The following TRIP12 variants were observed in gnomAD, a reference collection of about 807,000 sequenced individuals.
The protein encoded by TRIP12 is E3 ubiquitin-protein ligase TRIP12.
TRIP12 carries 25 observed loss-of-function variants against 244.2 expected under a neutral mutation model. That is an observed-to-expected ratio of 0.10 (90% CI 0.07 to 0.14). The LOEUF is 0.14. TRIP12 is among the 10% of genes least tolerant of loss of function. TRIP12 has a pLI of 1.00. For synonymous variants in TRIP12, 905 were observed against 873.1 expected (o/e 1.04, Z -0.64); for missense variants, 1,677 against 2,486.4 (o/e 0.67, Z 6.92).
At chr2:229,809,147 C>G (rs988961447) in intron 15 of TRIP12, among the ~76,000 whole-genome samples, 1 of 152,062 alleles carries the variant, frequency 6.6e-6, no homozygotes, top group African/African-American at 2.4e-5. Context: ...GTTCTGTTAT[C>G]AAGAAAAATA....
chr2:229,867,087 C>T (rs538800754), intron 2 of TRIP12, among the ~76,000 whole-genome samples: 339 of 142,540 alleles, frequency 2.4e-3, no homozygotes, highest in Non-Finnish European at 3.9e-3. Flanking sequence ...TATACACACA[C>T]ACATAGAGGG....
intron 8 of TRIP12, 32 bp from the exon 9 acceptor site, chr2:229,818,544 A>T: frequency 6.3e-7 from 1 of 1,584,982 alleles, no homozygotes; most frequent in Non-Finnish European, 8.6e-7. Flanking sequence ...TTATCTTTAA[A>T]CATTTAAGAA....
intron 2 of TRIP12, among the ~76,000 whole-genome samples, chr2:229,877,765 GT>G (rs963856282): frequency 2.0e-5 from 3 of 152,150 alleles, no homozygotes; most frequent in Non-Finnish European, 4.4e-5. Context: ...TCTACACGCA[GT>G]TTTTTAAAAG....
At chr2:229,809,170 T>A (rs2046626327) in intron 15 of TRIP12, among the ~76,000 whole-genome samples, 1 of 152,238 alleles carries the variant, frequency 6.6e-6, no homozygotes, top group Non-Finnish European at 1.5e-5. Context: ...CATTAATGAT[T>A]TGGGCAGAGA....
intron 1 of TRIP12, among the ~76,000 whole-genome samples, chr2:229,886,879 G>C (rs1221720192): frequency 6.6e-6 from 1 of 152,206 alleles, no homozygotes; most frequent in African/African-American, 2.4e-5. Context: ...TCTGTGCTTA[G>C]CATGTACCAG....
intron 7 of TRIP12, among the ~76,000 whole-genome samples, chr2:229,830,537 T>G (rs1042708650): frequency 6.6e-6 from 1 of 152,164 alleles, no homozygotes; most frequent in Admixed American, 6.5e-5. Context: ...AAAATAAATA[T>G]GTAAGGCTTC....
At chr2:229,804,589 C>A (rs913935241) in intron 18 of TRIP12, among the ~76,000 whole-genome samples, 2 of 152,224 alleles carry the variant, frequency 1.3e-5, no homozygotes, top group Non-Finnish European at 2.9e-5. Context: ...TAGAAATGCA[C>A]CATATTTCAC....
intron 4 of TRIP12, among the ~76,000 whole-genome samples, chr2:229,857,571 C>A (rs1323943820): frequency 2.0e-5 from 3 of 151,580 alleles, no homozygotes; most frequent in African/African-American, 7.3e-5. Context: ...GTGGAGGTTG[C>A]AGTGAGCCAA....
At chr2:229,890,815 C>T (rs1212172256) in intron 1 of TRIP12, among the ~76,000 whole-genome samples, 1 of 152,182 alleles carries the variant, frequency 6.6e-6, no homozygotes, top group Non-Finnish European at 1.5e-5. Flanking sequence ...CTACATTTAG[C>T]ATTTTTACCA....
intron 5 of TRIP12, among the ~76,000 whole-genome samples, chr2:229,840,616 C>G (rs556552757): frequency 6.6e-5 from 10 of 152,054 alleles, no homozygotes; most frequent in African/African-American, 2.4e-4. Context: ...GCAGGAGAAC[C>G]ACCTGAACCC....
chr2:229,783,238 G>A (rs954111998), intron 34 of TRIP12, among the ~76,000 whole-genome samples: 19 of 152,184 alleles, frequency 1.2e-4, no homozygotes, highest in Admixed American at 2.6e-4. Flanking sequence ...ACATTTCTGT[G>A]ACTATAAAGG....
intron 8 of TRIP12, among the ~76,000 whole-genome samples, chr2:229,827,816 GA>G (rs1230098961): frequency 1.3e-5 from 2 of 152,218 alleles, no homozygotes; most frequent in Admixed American, 6.5e-5. Context: ...AATATTGTAA[GA>G]TTTTTTTTTA....
At chr2:229,871,511 T>C (rs2062600401) in intron 2 of TRIP12, among the ~76,000 whole-genome samples, 1 of 152,126 alleles carries the variant, frequency 6.6e-6, no homozygotes, top group Admixed American at 6.5e-5. Flanking sequence ...AGTGTGTGCC[T>C]GCCACCCCTC....
chr2:229,771,582 C>T lies in TRIP12; in HGVS notation c.5745G>A (p.Ser1915=), dbSNP rs746282755. Residue 1915 remains serine, a synonymous_variant, in exon 39 of 42, where the codon TCG becomes TCA. Transcript: ENST00000675903. ...AGACTGATTCAAATCCATCTCTGAA[C>T]GAATCAAATTGCCTAGAAACGCCTT... The part of the protein sequence containing the change: ...LNEGVSRQFD[S]FRDGFESVFP... 3.1e-5 allele frequency: 50 copies of T among 1,613,860 alleles called. No homozygotes were observed. Among genetic ancestry groups the T allele is most frequent in the Admixed American group, 1.3e-4 (8 of 59,998 alleles).
rs1280959205 is a variant in TRIP12, at chr2:229,880,013, C to T, written c.67G>A (p.Ala23Thr). The change falls in exon 2 of 42, where the codon GCC becomes ACC. Residue 23 changes from alanine to threonine, a missense_variant. Around this residue, in one of 11 missense-constraint regions of TRIP12, gnomAD observed 387 missense variants for 392.6 expected, o/e 0.99. Transcript: ENST00000675903. ...LRRSQRNTAG[A>T]QPQDDSIGGR... is the part of the protein sequence containing the mutation. ...CCTATTGAGTCGTCTTGTGGTTGGG[C>T]CCCGGCAGTGTTCCTCTGTGAACGT... 1 of 1,614,090 alleles carries T rather than the reference C, an allele frequency of 6.2e-7. No individual in the cohort carries two copies. The highest frequency in any genetic ancestry group is 1.3e-5 in the African/African-American group (1 of 75,006).
At chr2:229,835,612 T>G (rs1336853361) in intron 6 of TRIP12, among the ~76,000 whole-genome samples, 1 of 152,208 alleles carries the variant, frequency 6.6e-6, no homozygotes, top group Non-Finnish European at 1.5e-5. Flanking sequence ...AGCAGGTTGT[T>G]TGGAATATTA....
chr2:229,829,043 G>A (rs2052561924), intron 8 of TRIP12, 150 bp downstream of exon 8: 2 of 557,462 alleles, frequency 3.6e-6, no homozygotes, highest in Admixed American at 3.6e-5. Flanking sequence ...AATGAAAGCT[G>A]TATTTAAGGT....
intron 2 of TRIP12, among the ~76,000 whole-genome samples, chr2:229,874,409 C>A (rs1367082655): frequency 6.6e-6 from 1 of 152,102 alleles, no homozygotes; most frequent in Non-Finnish European, 1.5e-5. Context: ...ATTCTGTAAA[C>A]CCATTTTCAA....
intron 8 of TRIP12, among the ~76,000 whole-genome samples, chr2:229,827,281 A>G (rs1420391532): frequency 1.3e-5 from 2 of 148,964 alleles, no homozygotes; most frequent in Non-Finnish European, 3.0e-5. Context: ...CTCCGTCTCA[A>G]AAAAAAAAAA....
Sources: gnomAD v4.1 joint callset for allele counts (sites outside exome capture counted in the v4.1 genomes callset) on GRCh38, gnomAD v4.1.1 for gene constraint, gnomAD v4.1.1 regional missense constraint, MANE v1.5 for transcripts, NCBI Gene and HGNC (gene_info 2026-07-23, HGNC 2026-07-21) for gene names.